Variants in COPS5 observed in about 807,000 individuals in gnomAD.
COPS5 encodes COP9 signalosome subunit 5.
In COPS5, 8 loss-of-function variants were observed where a neutral mutation model predicts 44.4. That is an observed-to-expected ratio of 0.18 (90% CI 0.11 to 0.32). COPS5 has a LOEUF of 0.32. Among genes scored for constraint, COPS5 ranks in the 10% least tolerant of loss-of-function variants. The pLI is 1.00. For synonymous variants in COPS5, 122 were observed against 142.8 expected (o/e 0.85, Z 1.04); for missense variants, 159 against 406.4 (o/e 0.39, Z 5.23).
At chr8:67,051,559 T>C (rs1316250923) in intron 5 of COPS5, among the ~76,000 whole-genome samples, 1 of 152,226 alleles carries the variant, frequency 6.6e-6, no homozygotes, top group Non-Finnish European at 1.5e-5. Flanking sequence ...CCTTTTTTTC[T>C]GTAGAGCCCA....
rs115035446 is a variant in COPS5 at position 67,049,656 on chromosome 8, A to G, written c.771+1574T>C. On this transcript the variant is annotated intron_variant, in intron 6 of 7. Coordinates refer to ENST00000357849, the MANE Select transcript of COPS5 (RefSeq NM_006837.3). The stretch of plus-strand genomic sequence containing the variant: ...AATCCAACAACTACTGTTGCTTGCA[A>G]TGCTTTACCTTGAGATTTTTCTGGA... Among the ~76,000 whole-genome samples the G allele has an allele frequency of 8.5e-3, 1,301 of 152,174 alleles. 16 individuals carry two copies. The highest frequency in any genetic ancestry group is 0.03 in the African/African-American group (1,225 of 41,518).
chr8:67,050,614 AGTGTGTGTGTGTGT>A (rs5892073), intron 6 of COPS5, among the ~76,000 whole-genome samples: 3 of 141,056 alleles, frequency 2.1e-5, no homozygotes, highest in African/African-American at 7.9e-5. Context: ...TGAGTGTGAG[AGTGTGTGTGTGTGT>A]GTGTGTGTGT....
In COPS5 at chr8:67,061,997, C is replaced by A. The variant is rs1387244777; in HGVS notation, c.-1G>T. ...CCATACCGCTCCCGGACGCCGCCAT[C>A]GCCGAGGAAGCGGAGAAGTTGTCGT... On this transcript the variant is annotated 5_prime_UTR_variant, in exon 1 of 8. Transcript: ENST00000357849. The A allele has an allele frequency of 6.2e-7, 1 of 1,614,116 alleles. No individual in the cohort carries two copies. The highest frequency in any genetic ancestry group is 8.5e-7 in the Non-Finnish European group (1 of 1,180,052).
At chr8:67,058,013 T>C (rs1804537232) in intron 3 of COPS5, 70 bp downstream of exon 3, 27 of 1,518,642 alleles carry the variant, frequency 1.8e-5, no homozygotes, top group Non-Finnish European at 2.3e-5. Flanking sequence ...ACACTATTCT[T>C]ATTTCTCAGT....
chr8:67,058,628 A>G (rs1374069279), intron 2 of COPS5, among the ~76,000 whole-genome samples: 1 of 152,152 alleles, frequency 6.6e-6, no homozygotes, highest in Non-Finnish European at 1.5e-5. Context: ...ATACTCAGGA[A>G]CTGAGTTAGG....
At chr8:67,052,694 C>T (rs1219993532) in intron 5 of COPS5, among the ~76,000 whole-genome samples, 1 of 151,322 alleles carries the variant, frequency 6.6e-6, no homozygotes, top group Non-Finnish European at 1.5e-5. Context: ...CTGGGAGCCA[C>T]AGTGCTCGGC....
At chr8:67,060,195 C>T (rs1804564516) in intron 1 of COPS5, 1 of 307,678 alleles carries the variant, frequency 3.3e-6, no homozygotes, top group African/African-American at 2.3e-5. Context: ...GTGAATTAAA[C>T]TCTTGAATAA....
At chr8:67,057,966 C>T (rs1804536272) in intron 3 of COPS5, 117 bp downstream of exon 3, 3 of 1,071,564 alleles carry the variant, frequency 2.8e-6, no homozygotes, top group Non-Finnish European at 4.1e-6. Context: ...CACATTGAAA[C>T]CTAGGCAGAC....
chr8:67,061,312 T>C, intron 1 of COPS5: 1 of 405,270 alleles, frequency 2.5e-6, no homozygotes, highest in South Asian at 1.8e-5. Context: ...AAAACTATTA[T>C]AGGCCCAGGC....
chr8:67,056,759 A>G (rs1023923278), intron 4 of COPS5, among the ~76,000 whole-genome samples, 155 bp from the exon 5 acceptor site: 1 of 143,458 alleles, frequency 7.0e-6, no homozygotes, highest in Non-Finnish European at 1.5e-5. Context: ...TAATAGGATT[A>G]TTAACTTTCG....
intron 3 of COPS5, 44 bp from the exon 4 acceptor site, chr8:67,057,489 T>C (rs936915418): frequency 7.6e-7 from 1 of 1,321,788 alleles, no homozygotes; most frequent in African/African-American, 1.5e-5. Flanking sequence ...TAAAACTGTA[T>C]GCCTTTTATT....
At chr8:67,057,140 CAA>C (rs1388541846) in intron 4 of COPS5, among the ~76,000 whole-genome samples, 4 of 152,176 alleles carry the variant, frequency 2.6e-5, no homozygotes, top group Non-Finnish European at 4.4e-5. Context: ...GTTTTAATAA[CAA>C]GAGATATTGC....
chr8:67,057,704 T>C (rs986724055), intron 3 of COPS5, among the ~76,000 whole-genome samples: 7 of 152,222 alleles, frequency 4.6e-5, no homozygotes. Flanking sequence ...AGTTTTCTTT[T>C]GTCCTTTTAA....
At chr8:67,045,651 T>C (rs1585706996) in intron 7 of COPS5, 161 bp downstream of exon 7, 1 of 687,088 alleles carries the variant, frequency 1.5e-6, no homozygotes, top group Non-Finnish European at 2.4e-6. Flanking sequence ...AAGTTAAAAC[T>C]TGTGTCTGAC....
At chr8:67,047,853 C>T in intron 6 of COPS5, 1 of 702,578 alleles carries the variant, frequency 1.4e-6, no homozygotes, top group Non-Finnish European at 2.6e-6. Context: ...TATTAATATA[C>T]TTGCCTCTAA....
At chr8:67,045,689 A>G (rs1456337439) in intron 7 of COPS5, 123 bp downstream of exon 7, 23 of 978,934 alleles carry the variant, frequency 2.3e-5, no homozygotes. Flanking sequence ...AGAAGTTAAT[A>G]TTCAGGTACC....
At chr8:67,046,099 AG>A in intron 6 of COPS5, 139 bp from the exon 7 acceptor site, 1 of 826,876 alleles carries the variant, frequency 1.2e-6, no homozygotes, top group Non-Finnish European at 1.8e-6. Context: ...GTGAATAGTC[AG>A]TGAGGAGAGA....
At chr8:67,045,595 G>A in intron 7 of COPS5, 1 of 555,076 alleles carries the variant, frequency 1.8e-6, no homozygotes, top group Non-Finnish European at 3.2e-6. Context: ...TTAGAACTTT[G>A]ATTTAAGCCT....
chr8:67,058,305 CCTT>C (rs1389539205), intron 2 of COPS5, 94 bp from the exon 3 acceptor site: 71 of 1,264,198 alleles, frequency 5.6e-5, no homozygotes, highest in Non-Finnish European at 7.7e-5. Flanking sequence ...CTTCCCATCT[CCTT>C]CTCCTCAATT....
Sources: gnomAD v4.1 joint callset for allele counts (sites outside exome capture counted in the v4.1 genomes callset) on GRCh38, gnomAD v4.1.1 for gene constraint, MANE v1.5 for transcripts, NCBI Gene and HGNC (gene_info 2026-07-23, HGNC 2026-07-21) for gene names.